AP3B1: variants seen among roughly 807,000 people sequenced by gnomAD.
AP3B1 encodes AP-3 complex subunit beta-1.
AP3B1 carries 61 observed loss-of-function variants against 132.5 expected under a neutral mutation model. That is an observed-to-expected ratio of 0.46 (90% CI 0.37 to 0.57). The LOEUF (loss-of-function observed/expected upper bound fraction) is 0.57, where lower values mean the gene tolerates loss of function less well. Among genes scored for constraint, AP3B1 ranks in the 20% least tolerant of loss-of-function variants. The pLI is 0.00. For synonymous variants in AP3B1, 388 were observed against 438.3 expected (o/e 0.89, Z 1.43); for missense variants, 1,120 against 1,289.4 (o/e 0.87, Z 2.01).
intron 22 of AP3B1, among the ~76,000 whole-genome samples, chr5:78,055,308 G>A (rs983233713): frequency 2.6e-5 from 4 of 152,210 alleles, no homozygotes; most frequent in Admixed American, 1.3e-4. Flanking sequence ...TCAGAAGTAA[G>A]AATGGTTAGT....
At chr5:78,202,808 A>C (rs1357253430) in intron 7 of AP3B1, among the ~76,000 whole-genome samples, 1 of 152,182 alleles carries the variant, frequency 6.6e-6, no homozygotes, top group Non-Finnish European at 1.5e-5. Flanking sequence ...TGAAAATTTT[A>C]TGTCAACAAA....
At chr5:78,033,939 T>G (rs2112090796) in intron 24 of AP3B1, among the ~76,000 whole-genome samples, 1 of 152,116 alleles carries the variant, frequency 6.6e-6, no homozygotes, top group Non-Finnish European at 1.5e-5. Flanking sequence ...AATATTCCAC[T>G]TAAGAATCTC....
chr5:78,115,264 G>A (rs1751774790), intron 18 of AP3B1, among the ~76,000 whole-genome samples: 1 of 152,090 alleles, frequency 6.6e-6, no homozygotes, highest in South Asian at 2.1e-4. Context: ...TTTTGATAAG[G>A]AAGACAGAGA....
chr5:78,258,683 C>T (rs1347533750), intron 2 of AP3B1, among the ~76,000 whole-genome samples: 1 of 152,160 alleles, frequency 6.6e-6, no homozygotes, highest in Non-Finnish European at 1.5e-5. Flanking sequence ...CCAGCAATCC[C>T]ACTGCTGGGT....
chr5:78,121,931 G>A (rs532095694), intron 17 of AP3B1: 6 of 152,424 alleles, frequency 3.9e-5, no homozygotes, highest in African/African-American at 1.4e-4. Flanking sequence ...GATGAACATT[G>A]ATGCAAAAAT....
intron 17 of AP3B1, among the ~76,000 whole-genome samples, chr5:78,123,693 A>G (rs1224915492): frequency 6.6e-6 from 1 of 152,050 alleles, no homozygotes; most frequent in Non-Finnish European, 1.5e-5. Flanking sequence ...AAAAGTCAGG[A>G]AACAACAGGT....
chr5:78,273,938 A>G (rs949622787), intron 1 of AP3B1, among the ~76,000 whole-genome samples: 2 of 151,720 alleles, frequency 1.3e-5, no homozygotes, highest in African/African-American at 2.4e-5. Flanking sequence ...AGCTTCATCA[A>G]TCATTTTTAT....
At chr5:78,244,766 G>A (rs993325616) in intron 2 of AP3B1, among the ~76,000 whole-genome samples, 5 of 152,172 alleles carry the variant, frequency 3.3e-5, no homozygotes, top group African/African-American at 4.8e-5. Context: ...GGAGGCCGAG[G>A]AGCGTGGATC....
chr5:78,066,182 T>C (rs1749282313), intron 22 of AP3B1, among the ~76,000 whole-genome samples: 2 of 151,114 alleles, frequency 1.3e-5, no homozygotes, highest in African/African-American at 4.9e-5. Flanking sequence ...CCTCAAAGAT[T>C]GGAGGTAAAG....
intron 19 of AP3B1, among the ~76,000 whole-genome samples, chr5:78,112,489 G>A (rs1561414290): frequency 6.6e-6 from 1 of 152,180 alleles, no homozygotes; most frequent in African/African-American, 2.4e-5. Context: ...CCTAATACAT[G>A]ACTACAAATT....
At chr5:78,268,790 A>C (rs1457960496) in intron 1 of AP3B1, among the ~76,000 whole-genome samples, 1 of 152,334 alleles carries the variant, frequency 6.6e-6, no homozygotes, top group East Asian at 1.9e-4. Context: ...GCTAGTCTTC[A>C]ACAACAAATA....
At chr5:78,281,120 T>G (rs1231751417) in intron 1 of AP3B1, among the ~76,000 whole-genome samples, 1 of 152,326 alleles carries the variant, frequency 6.6e-6, no homozygotes, top group African/African-American at 2.4e-5. Flanking sequence ...ATGTGATTAT[T>G]TTAAAGTATG....
At chr5:78,133,986 C>T (rs563385395) in intron 15 of AP3B1, among the ~76,000 whole-genome samples, 45 of 151,798 alleles carry the variant, frequency 3.0e-4, no homozygotes, top group African/African-American at 1.1e-3. Context: ...CCCATCTCTA[C>T]TAAAAATACA....
rs151235943 is a variant in AP3B1 at position 78,277,024 on chromosome 5, T to C, written c.129-9429A>G. ...AGTACAAGTAATAAAATAATAAAGA[T>C]ACAAGAAGAATTTAATAAAACAGAC... On this transcript the variant is annotated intron_variant, in intron 1 of 26. Transcript: ENST00000255194. 7.3e-4 allele frequency among the ~76,000 whole-genome samples: 111 copies of C among 152,114 alleles called. 1 individual carries two copies. Among genetic ancestry groups the C allele is most frequent in the African/African-American group, 2.6e-3 (109 of 41,522 alleles).
intron 1 of AP3B1, among the ~76,000 whole-genome samples, chr5:78,286,870 C>T (rs765818476): frequency 6.6e-6 from 1 of 152,142 alleles, no homozygotes; most frequent in Non-Finnish European, 1.5e-5. Flanking sequence ...TCTAAATACA[C>T]GAACCAACGT....
intron 16 of AP3B1, among the ~76,000 whole-genome samples, chr5:78,128,468 A>G (rs922100611): frequency 6.6e-6 from 1 of 152,136 alleles, no homozygotes; most frequent in Admixed American, 6.5e-5. Context: ...ATCCATATAC[A>G]TGTCTTGGCA....
intron 22 of AP3B1, among the ~76,000 whole-genome samples, chr5:78,058,928 A>G (rs919778144): frequency 6.6e-6 from 1 of 152,220 alleles, no homozygotes; most frequent in African/African-American, 2.4e-5. Context: ...TGAGTATCTG[A>G]GTCACCTCCT....
At chr5:78,057,784 A>G (rs764579499) in intron 22 of AP3B1, among the ~76,000 whole-genome samples, 12 of 152,132 alleles carry the variant, frequency 7.9e-5, no homozygotes, top group Non-Finnish European at 1.5e-5. Flanking sequence ...TCAAGTCCCA[A>G]TTTATCTATT....
At chr5:78,207,530 TA>T (rs1380876039) in intron 7 of AP3B1, among the ~76,000 whole-genome samples, 2 of 151,848 alleles carry the variant, frequency 1.3e-5, no homozygotes, top group African/African-American at 2.4e-5. Context: ...CTCAAGTATA[TA>T]ACTTACAAAT....
Sources: gnomAD v4.1 joint callset for allele counts (sites outside exome capture counted in the v4.1 genomes callset) on GRCh38, gnomAD v4.1.1 for gene constraint, MANE v1.5 for transcripts, NCBI Gene and HGNC (gene_info 2026-07-23, HGNC 2026-07-21) for gene names.